Variants in LHX6 observed in about 807,000 individuals in gnomAD.
The protein encoded by LHX6 is LIM homeobox 6.
Under a neutral mutation model 47.1 loss-of-function variants are expected in LHX6, and 15 were observed. The ratio of observed to expected loss-of-function variants is 0.32; its 90% CI spans 0.21 to 0.49. The LOEUF is 0.49. Ranked by LOEUF, LHX6 falls within the 20% of genes least tolerant of loss-of-function variation. The probability of loss-of-function intolerance (pLI) is 0.99; values close to 1 mark genes in which losing one functional copy is unlikely to be tolerated. For missense variants in LHX6, 404 were observed against 539.6 expected (o/e 0.75, Z 2.49); for synonymous variants, 242 against 233.5 (o/e 1.04, Z -0.33).
At chr9:122,224,108 A>G (rs899241820) in intron 4 of LHX6, among the ~76,000 whole-genome samples, 6 of 152,124 alleles carry the variant, frequency 3.9e-5, no homozygotes, top group Non-Finnish European at 5.9e-5. Flanking sequence ...GCTCACCACA[A>G]TGTCCGCCTC....
In LHX6 at chr9:122,222,410, G is replaced by T. The variant is rs111530874; in HGVS notation, c.461+3966C>A. ...AAGAGTCCTGTCACATTTTTCTGGT[G>T]GTATTTTTTTTTCCTGCTGGGAATC... On this transcript the variant is annotated intron_variant, in intron 4 of 9. Coordinates refer to ENST00000394319, the MANE Select transcript of LHX6 (RefSeq NM_014368.5). Among the ~76,000 whole-genome samples, 863 of 152,288 alleles carry T rather than the reference G, an allele frequency of 5.7e-3. 4 individuals are homozygous for T. The highest frequency in any genetic ancestry group is 0.018 in the African/African-American group (751 of 41,548).
chr9:122,228,538 C>A, intron 1 of LHX6, 119 bp downstream of exon 1: 1 of 1,351,248 alleles, frequency 7.4e-7, no homozygotes, highest in Non-Finnish European at 9.6e-7. Flanking sequence ...CACACACTCA[C>A]AGGCGCACCC....
chr9:122,214,082 G>C lies in LHX6; in HGVS notation c.784-13C>G, dbSNP rs746887057. 1.9e-6 allele frequency: 3 copies of C among 1,594,422 alleles called. No homozygotes were observed. The African/African-American group carries it at 4.0e-5, about 21-fold the overall frequency. On this transcript the variant is annotated splice_polypyrimidine_tract_variant and intron_variant, in intron 6 of 9. Transcript: ENST00000394319. The surrounding 1 kb of genome is among the most constrained non-coding windows in gnomAD (Gnocchi z 4.6). ...GCGCCTGCATAACCTGCGGGGCGGG[G>C]AGGGCGGTGAGGCGCTCGCACGCAG...
chr9:122,226,526 C>T lies in LHX6; in HGVS notation c.340-29G>A, dbSNP rs1432832207. 1.1e-5 allele frequency: 17 copies of T among 1,608,028 alleles called. No homozygotes were observed. Among genetic ancestry groups the T allele is most frequent in the Non-Finnish European group, 1.4e-5 (17 of 1,178,604 alleles). ...GGGACGGGGCGGGGACGGAGGTCGG[C>T]TCAGCGCGGGCCTCTTTCACTCCGG... is the stretch of plus-strand genomic sequence containing the variant. On this transcript the variant is annotated intron_variant, in intron 3 of 9. Coordinates refer to ENST00000394319, the MANE Select transcript of LHX6 (RefSeq NM_014368.5). This position sits in a 1 kb window ranked among gnomAD's most constrained non-coding sequence, Gnocchi z 6.5.
rs1301045349 is a variant in LHX6 at position 122,220,980 on chromosome 9, C to T, written c.462-3692G>A. The stretch of plus-strand genomic sequence containing the variant: ...TGAGTTTCACCTCGACCCCTTCTCC[C>T]ACTATTAAGCTACCCCTTTTCTGTA... On this transcript the variant is annotated intron_variant, in intron 4 of 9. Coordinates refer to ENST00000394319, the MANE Select transcript of LHX6 (RefSeq NM_014368.5). 7 of 557,980 alleles carry T rather than the reference C, an allele frequency of 1.3e-5. No individual in the cohort carries two copies. The African/African-American group carries it at 1.4e-4, about 11-fold the overall frequency. The allele number at this position is 557,980 out of a possible 1,614,324, so 34.6% of individuals were successfully genotyped here.
rs748394379 is a variant in LHX6 at position 122,217,159 on chromosome 9, A to G, written c.591T>C (p.Thr197=). 52 of 1,614,106 alleles carry G rather than the reference A, an allele frequency of 3.2e-5. No individual in the cohort carries two copies. The highest frequency in any genetic ancestry group is 4.2e-5 in the Non-Finnish European group (49 of 1,180,028). ...ACFSCKRQLS[T]GEEFGLVEEK... The stretch of plus-strand genomic sequence containing the variant: ...CCTCGACCAGGCCGAACTCCTCACC[A>G]GTGGACAGCTGGCGCTTGCACGAGA... Residue 197 remains threonine (T), a synonymous_variant, in exon 5 of 10, where the codon ACT becomes ACC. Coordinates refer to ENST00000394319, the MANE Select transcript of LHX6 (RefSeq NM_014368.5). The surrounding 1 kb of genome is among the most constrained non-coding windows in gnomAD (Gnocchi z 4.9).
Position 122,214,400 on chromosome 9 carries a change from C to A in LHX6, c.683-17G>T. On this transcript the variant is annotated splice_polypyrimidine_tract_variant and intron_variant, in intron 5 of 9. Transcript: ENST00000394319. This position sits in a 1 kb window ranked among gnomAD's most constrained non-coding sequence, Gnocchi z 4.6. The stretch of plus-strand genomic sequence containing the variant: ...GGCCGTTCCCTGGGGGCGATAGAAG[C>A]AGCTGACCACGCGTCCCCATCTCTT... 6.5e-7 allele frequency: 1 copy of A among 1,546,602 alleles called. No homozygotes were observed. Among genetic ancestry groups the A allele is most frequent in the Non-Finnish European group, 8.7e-7 (1 of 1,151,946 alleles).
In LHX6 at chr9:122,209,650, G is replaced by A. The variant is rs752671229; in HGVS notation, c.1122C>T (p.Ala374=). ...PYTAPPVHLK[A]DMDGPLSNRG... is the part of the protein sequence containing the mutation. The stretch of plus-strand genomic sequence containing the variant: ...GGTTGGAGAGCGGCCCATCCATATC[G>A]GCTTTGAGGTGGACGGGGGGTGCGG... The change falls in exon 9 of 10, where the codon GCC becomes GCT. Residue 374 remains alanine (A), a synonymous_variant. Coordinates refer to ENST00000394319, the MANE Select transcript of LHX6 (RefSeq NM_014368.5). 1.5e-5 allele frequency: 23 copies of A among 1,501,672 alleles called. No homozygotes were observed. In the South Asian group the frequency reaches 2.0e-4, roughly 13 times the overall value. The allele number at this position is 1,501,672 out of a possible 1,614,324, so 93.0% of individuals were successfully genotyped here.
At chr9:122,210,782 T>A (rs778564439) in intron 8 of LHX6, among the ~76,000 whole-genome samples, 1 of 152,038 alleles carries the variant, frequency 6.6e-6, no homozygotes, top group Non-Finnish European at 1.5e-5. Context: ...AGGCTGGTCC[T>A]GAACTCCTGA....
Position 122,213,908 on chromosome 9 carries a change from G to A in LHX6, c.879+66C>T, listed in dbSNP as rs763703138. ...GCCACGTGCACGCACCACCCTCCGC[G>A]CCGAGCCCAGCTACGAGCTCCGGGG... On this transcript the variant is annotated intron_variant, in intron 7 of 9. Coordinates refer to ENST00000394319, the MANE Select transcript of LHX6 (RefSeq NM_014368.5). The surrounding 1 kb of genome is among the most constrained non-coding windows in gnomAD (Gnocchi z 5.5). The A allele has an allele frequency of 3.9e-6, 6 of 1,533,498 alleles. No homozygotes were observed. The highest frequency in any genetic ancestry group is 3.4e-5 in the South Asian group (3 of 87,146). The allele number at this position is 1,533,498 out of a possible 1,614,324, so 95.0% of individuals were successfully genotyped here. A position where few individuals can be genotyped will look rare whatever the true frequency, so the allele number is the denominator to read the frequency against.
intron 1 of LHX6, chr9:122,228,276 G>T (rs1028277946): frequency 1.3e-6 from 2 of 1,535,048 alleles, no homozygotes; most frequent in African/African-American, 1.4e-5. Context: ...GGAGGAAAAA[G>T]CACCCTCCAG....
intron 5 of LHX6, 83 bp downstream of exon 5, chr9:122,216,985 T>G (rs1203955603): frequency 5.3e-6 from 6 of 1,140,766 alleles, no homozygotes; most frequent in Non-Finnish European, 7.6e-6. Context: ...GGTAGAGGAG[T>G]GTGGGTGGTT....
Position 122,204,644 on chromosome 9 carries a change from G to A in LHX6, c.*116C>T, listed in dbSNP as rs554648060. ...CCGACCTGGTGGTGGGCAGGATGGC[G>A]GACGGGGGTGGATGCGGAGGTGGGT... On this transcript the variant is annotated 3_prime_UTR_variant, in exon 10 of 10. Transcript: ENST00000394319. The A allele has an allele frequency of 1.7e-4, 215 of 1,286,314 alleles. 4 individuals carry two copies. The South Asian group carries it at 2.1e-3, about 13-fold the overall frequency. 79.7% of individuals were successfully genotyped at this position (1,286,314 alleles called of 1,614,324 possible).
In LHX6 at chr9:122,227,499, G is replaced by GCAAACCCGGGGGGGGGGGGGGGGGGGA; in HGVS notation, c.85-20_85-19insTCCCCCCCCCCCCCCCCCCCGGGTTTG. On this transcript the variant is annotated intron_variant, in intron 1 of 9. Transcript: ENST00000394319. ...CCATCACCTGGGGGAGGGGGGGAGG[G>GCAAACCCGGGGGGGGGGGGGGGGGGGA]AACGCAGGCGGCGGCGGCTGCTGAA... 1.5e-6 allele frequency: 1 copy of GCAAACCCGGGGGGGGGGGGGGGGGGGA among 656,320 alleles called. No homozygotes were observed. The allele number at this position is 656,320 out of a possible 1,614,324, so 40.7% of individuals were successfully genotyped here.
intron 4 of LHX6, chr9:122,221,446 T>G: frequency 1.0e-6 from 1 of 985,444 alleles, no homozygotes; most frequent in Non-Finnish European, 1.2e-6. Context: ...CTTCTCCCGC[T>G]GGAGCCCGCG....
At chr9:122,207,986 C>A (rs1830248605) in intron 9 of LHX6, among the ~76,000 whole-genome samples, 1 of 152,126 alleles carries the variant, frequency 6.6e-6, no homozygotes, top group Non-Finnish European at 1.5e-5. Context: ...AATGCTCTGA[C>A]CCTCTCCCTC....
chr9:122,203,309 T>C lies in LHX6; in HGVS notation c.*1451A>G, dbSNP rs1177934617. On this transcript the variant is annotated 3_prime_UTR_variant, in exon 10 of 10. Transcript: ENST00000394319. ...AAATAGAGCTGCCATTGATTAGCAA[T>C]GTCTGCCATGGGTAAAAACAGAGAC... 3.9e-5 allele frequency: 6 copies of C among 152,558 alleles called. No individual in the cohort carries two copies. The highest frequency in any genetic ancestry group is 5.9e-5 in the Non-Finnish European group (4 of 68,044). The allele number at this position is 152,558 out of a possible 1,614,324, so 9.5% of individuals were successfully genotyped here. A position where few individuals can be genotyped will look rare whatever the true frequency, so the allele number is the denominator to read the frequency against.
intron 9 of LHX6, among the ~76,000 whole-genome samples, chr9:122,207,104 A>G (rs1466209342): frequency 6.6e-6 from 1 of 152,144 alleles, no homozygotes; most frequent in Non-Finnish European, 1.5e-5. Context: ...GCAGTCCCAG[A>G]GCCAGGTCTA....
chr9:122,205,753 GCTCCTT>G (rs1830152897), intron 9 of LHX6, among the ~76,000 whole-genome samples: 1 of 152,136 alleles, frequency 6.6e-6, no homozygotes, highest in Non-Finnish European at 1.5e-5. Context: ...TCTGTGCTGG[GCTCCTT>G]ACACACATTA....
Sources: gnomAD v4.1 joint callset for allele counts (sites outside exome capture counted in the v4.1 genomes callset) on GRCh38, gnomAD v4.1.1 for gene constraint, Gnocchi (gnomAD v3.1) non-coding constraint, MANE v1.5 for transcripts, NCBI Gene and HGNC (gene_info 2026-07-23, HGNC 2026-07-21) for gene names.